SCFD2: variants seen among roughly 807,000 people sequenced by gnomAD.
The protein encoded by SCFD2 is sec1 family domain containing 2.
A neutral mutation model predicts 58.9 loss-of-function variants in SCFD2; 54 were observed. That is an observed-to-expected ratio of 0.92 (90% CI 0.74 to 1.15). SCFD2 has a LOEUF of 1.15. SCFD2 is among the 50% of genes most tolerant of loss of function. SCFD2 has a pLI of 0.00. For synonymous variants in SCFD2, 321 were observed against 335.9 expected (o/e 0.96, Z 0.49); for missense variants, 805 against 836.6 (o/e 0.96, Z 0.47).
At chr4:53,028,616 C>T (rs992209653) in intron 5 of SCFD2, among the ~76,000 whole-genome samples, 22 of 151,890 alleles carry the variant, frequency 1.4e-4, no homozygotes, top group African/African-American at 5.1e-4. Flanking sequence ...TGGAATGCTT[C>T]TTATTCAATA....
intron 4 of SCFD2, among the ~76,000 whole-genome samples, chr4:53,170,023 A>G (rs189295235): frequency 6.1e-4 from 93 of 152,280 alleles, no homozygotes; most frequent in Middle Eastern, 3.4e-3. Context: ...ACTATGTAGA[A>G]GCTTTTTTAA....
rs76909757 is a variant in SCFD2 at position 53,219,996 on chromosome 4, G to C, written c.1311+53830C>G. Reference sequence around the variant, plus strand: ...GCTGGGGTGTAAGCATTGGGTAGTGGAGGTGTTTTTGCCCTTCCTGCTACC... The same window carrying C: ...GCTGGGGTGTAAGCATTGGGTAGTGCAGGTGTTTTTGCCCTTCCTGCTACC... On this transcript the variant is annotated intron_variant, in intron 4 of 8. Transcript: ENST00000401642. Among the ~76,000 whole-genome samples, 413 of 152,212 alleles carry C rather than the reference G, an allele frequency of 2.7e-3. 1 individual carries two copies. Among genetic ancestry groups the C allele is most frequent in the African/African-American group, 9.5e-3 (395 of 41,546 alleles).
intron 4 of SCFD2, among the ~76,000 whole-genome samples, chr4:53,217,979 C>G (rs1445257681): frequency 6.6e-6 from 1 of 152,236 alleles, no homozygotes; most frequent in African/African-American, 2.4e-5. Context: ...CCCCCACTCT[C>G]TTCTGGCTTG....
At position 52,977,901 on chromosome 4, in the gene SCFD2, C is replaced by T. The variant is rs150728918; in HGVS notation, c.1562-57031G>A. ...GGCAGATGAGAAAAGAGCCCATCCA[C>T]GTTTTTGACAGGTGTTTGGTTAGAA... On this transcript the variant is annotated intron_variant, in intron 5 of 8. Coordinates refer to ENST00000401642, the MANE Select transcript of SCFD2 (RefSeq NM_152540.4). Among the ~76,000 whole-genome samples the T allele has an allele frequency of 3.7e-3, 564 of 152,260 alleles. 4 individuals are homozygous for T. Among genetic ancestry groups the T allele is most frequent in the African/African-American group, 0.013 (527 of 41,562 alleles).
At chr4:52,962,551 G>A (rs560066600) in intron 5 of SCFD2, among the ~76,000 whole-genome samples, 2 of 152,220 alleles carry the variant, frequency 1.3e-5, no homozygotes, top group South Asian at 4.2e-4. Context: ...GCTGGGAATG[G>A]GGTGGCAGAG....
intron 5 of SCFD2, among the ~76,000 whole-genome samples, chr4:53,095,377 C>T (rs1458847089): frequency 6.6e-6 from 1 of 151,202 alleles, no homozygotes; most frequent in Non-Finnish European, 1.5e-5. Flanking sequence ...TATCTCACAT[C>T]TAATCCTCCA....
At chr4:52,954,782 G>A (rs1162067689) in intron 5 of SCFD2, among the ~76,000 whole-genome samples, 1 of 152,184 alleles carries the variant, frequency 6.6e-6, no homozygotes, top group Non-Finnish European at 1.5e-5. Flanking sequence ...TCAAAGAGCT[G>A]GCGGTTTTGC....
chr4:52,982,460 G>C lies in SCFD2; in HGVS notation c.1562-61590C>G, dbSNP rs1382419242. Among the ~76,000 whole-genome samples the C allele has an allele frequency of 2.0e-5, 3 of 152,152 alleles. No individual in the cohort carries two copies. The East Asian group carries it at 5.8e-4, about 29-fold the overall frequency. On this transcript the variant is annotated intron_variant, in intron 5 of 8. Coordinates refer to ENST00000401642, the MANE Select transcript of SCFD2 (RefSeq NM_152540.4). Reference sequence around the variant, plus strand: ...ACATAAGTAGTCAGAGATCTGCTTTGAATTACAGCTATTACTGATGACCTA... The same window carrying C: ...ACATAAGTAGTCAGAGATCTGCTTTCAATTACAGCTATTACTGATGACCTA...
At chr4:53,169,835 T>G (rs1727124681) in intron 4 of SCFD2, among the ~76,000 whole-genome samples, 1 of 152,242 alleles carries the variant, frequency 6.6e-6, no homozygotes, top group South Asian at 2.1e-4. Context: ...GTATATCTTC[T>G]TTTGAGAAAT....
At chr4:53,238,601 A>T (rs867222518) in intron 4 of SCFD2, among the ~76,000 whole-genome samples, 7 of 150,546 alleles carry the variant, frequency 4.6e-5, no homozygotes, top group African/African-American at 1.7e-4. Context: ...CTCACTTCCC[A>T]GACGGGGCGG....
intron 5 of SCFD2, among the ~76,000 whole-genome samples, chr4:53,084,643 TG>T (rs1250375340): frequency 3.9e-5 from 6 of 152,198 alleles, no homozygotes; most frequent in African/African-American, 1.4e-4. Flanking sequence ...TCCTCTGCTG[TG>T]GCTCCAGCTG....
chr4:53,215,272 T>C lies in SCFD2; in HGVS notation c.1311+58554A>G, dbSNP rs564028459. On this transcript the variant is annotated intron_variant, in intron 4 of 8. Coordinates refer to ENST00000401642, the MANE Select transcript of SCFD2 (RefSeq NM_152540.4). ...ATGGCCATTTTCACGATATTGATTC[T>C]TCCTAGACATGAGCATGGGATGTTC... Among the ~76,000 whole-genome samples the C allele has an allele frequency of 2.0e-4, 30 of 152,278 alleles. No homozygotes were observed. In the South Asian group the frequency reaches 6.0e-3, roughly 30 times the overall value.
At chr4:53,179,016 A>G (rs1384683235) in intron 4 of SCFD2, among the ~76,000 whole-genome samples, 1 of 152,238 alleles carries the variant, frequency 6.6e-6, no homozygotes, top group African/African-American at 2.4e-5. Context: ...GAGCAAATCT[A>G]CATCTGATTG....
intron 5 of SCFD2, among the ~76,000 whole-genome samples, chr4:53,047,937 GTC>G (rs1723083956): frequency 3.3e-5 from 5 of 152,126 alleles, no homozygotes; most frequent in Admixed American, 3.3e-4. Context: ...GCCCTGACTG[GTC>G]ACATGTGAGG....
At chr4:53,301,933 G>A (rs1732318367) in intron 3 of SCFD2, among the ~76,000 whole-genome samples, 1 of 152,086 alleles carries the variant, frequency 6.6e-6, no homozygotes, top group Admixed American at 6.6e-5. Context: ...AATAAATTAG[G>A]TATTGATGGG....
chr4:53,221,190 G>T (rs1729037845), intron 4 of SCFD2, among the ~76,000 whole-genome samples: 2 of 152,068 alleles, frequency 1.3e-5, no homozygotes, highest in African/African-American at 4.8e-5. Context: ...AGGAAAATAG[G>T]GTTCAGGAAG....
chr4:52,901,741 G>C (rs1435514822), intron 7 of SCFD2, among the ~76,000 whole-genome samples: 8 of 152,174 alleles, frequency 5.3e-5, no homozygotes, highest in Non-Finnish European at 7.3e-5. Flanking sequence ...GAGATGAAAG[G>C]CTTCTCTGGA....
At chr4:53,291,222 C>CATATTTAACA (rs1731829579) in intron 3 of SCFD2, among the ~76,000 whole-genome samples, 1 of 151,992 alleles carries the variant, frequency 6.6e-6, no homozygotes, top group Admixed American at 6.6e-5. Flanking sequence ...ACAAATTTAA[C>CATATTTAACA]AATACATCAT....
intron 4 of SCFD2, among the ~76,000 whole-genome samples, chr4:53,183,736 T>A (rs1727655778): frequency 6.6e-6 from 1 of 152,114 alleles, no homozygotes; most frequent in Non-Finnish European, 1.5e-5. Context: ...TTGGAACCCT[T>A]ATGAAATCTT....
Sources: allele counts gnomAD v4.1 joint callset (sites outside exome capture counted in the v4.1 genomes callset), GRCh38; gene constraint gnomAD v4.1.1; transcripts MANE v1.5; gene names NCBI Gene and HGNC (gene_info 2026-07-23, HGNC 2026-07-21).